Variants in OBI1 observed in about 807,000 individuals in gnomAD.
OBI1 encodes the protein ring finger protein 219.
A neutral mutation model predicts 62.4 loss-of-function variants in OBI1; 59 were observed. The observed-to-expected ratio is 0.95, with a 90% CI of 0.77 to 1.17. The LOEUF (loss-of-function observed/expected upper bound fraction) is 1.17, where lower values mean the gene tolerates loss of function less well. Among genes scored for constraint, OBI1 ranks in the 50% most tolerant of loss-of-function variants. OBI1 has a pLI of 0.00. For synonymous variants in OBI1, 302 were observed against 292.8 expected (o/e 1.03, Z -0.32); for missense variants, 875 against 830.9 (o/e 1.05, Z -0.65).
At chr13:78,654,062 GT>G (rs1254682767) in intron 1 of OBI1, among the ~76,000 whole-genome samples, 3 of 143,892 alleles carry the variant, frequency 2.1e-5, no homozygotes, top group African/African-American at 7.6e-5. Context: ...TGTGAAATAA[GT>G]CACTTAATGC....
At chr13:78,619,865 T>A (rs1008969281) in intron 5 of OBI1, among the ~76,000 whole-genome samples, 4 of 152,198 alleles carry the variant, frequency 2.6e-5, no homozygotes, top group Non-Finnish European at 5.9e-5. Flanking sequence ...TGAGACAGGG[T>A]TGACACCACA....
rs143374733 is a variant in OBI1, at chr13:78,639,088, T to G, written c.301-17A>C. Reference sequence around the variant, plus strand: ...TATTTCGTCCTGAAAAAGCATTGCATAGTCATGAGGCAGGCATAGACACTA... The same window carrying G: ...TATTTCGTCCTGAAAAAGCATTGCAGAGTCATGAGGCAGGCATAGACACTA... On this transcript the variant is annotated splice_polypyrimidine_tract_variant and intron_variant, in intron 3 of 5. Transcript: ENST00000282003. 2 of 1,609,238 alleles carry G rather than the reference T, an allele frequency of 1.2e-6. No individual in the cohort carries two copies. Among genetic ancestry groups the G allele is most frequent in the Non-Finnish European group, 1.7e-6 (2 of 1,177,768 alleles).
chr13:78,614,617 CAT>C lies in OBI1; in HGVS notation c.*961_*962del, dbSNP rs1875182334. 6.6e-6 allele frequency: 1 copy of C among 152,532 alleles called. No homozygotes were observed. The highest frequency in any genetic ancestry group is 1.5e-5 in the Non-Finnish European group (1 of 68,044). The allele number at this position is 152,532 out of a possible 1,614,324, so 9.4% of individuals were successfully genotyped here. A position where few individuals can be genotyped will look rare whatever the true frequency, so the allele number is the denominator to read the frequency against. On this transcript the variant is annotated 3_prime_UTR_variant, in exon 6 of 6. Coordinates refer to ENST00000282003, the MANE Select transcript of OBI1 (RefSeq NM_024546.4). ...CACAGCAAGCAAAAATGCTACCATGCATAGTTTCCACAAAGAACAGGAACATG... is the reference window on the plus strand; with the variant it reads ...CACAGCAAGCAAAAATGCTACCATGCAGTTTCCACAAAGAACAGGAACATG...
chr13:78,651,009 G>C (rs1478842223), intron 1 of OBI1, among the ~76,000 whole-genome samples: 1 of 152,132 alleles, frequency 6.6e-6, no homozygotes, highest in African/African-American at 2.4e-5. Flanking sequence ...AGAAGCCACA[G>C]ATTTGAAGAT....
At chr13:78,636,034 AT>A (rs1429769411) in intron 4 of OBI1, among the ~76,000 whole-genome samples, 1 of 152,168 alleles carries the variant, frequency 6.6e-6, no homozygotes, top group African/African-American at 2.4e-5. Flanking sequence ...AAGTGTTAGG[AT>A]TACAGGTATG....
intron 1 of OBI1, among the ~76,000 whole-genome samples, chr13:78,647,378 C>T (rs1303758993): frequency 1.3e-5 from 2 of 152,230 alleles, no homozygotes; most frequent in African/African-American, 2.4e-5. Flanking sequence ...CGCCCTGTGG[C>T]GGGAGGCGAG....
intron 1 of OBI1, among the ~76,000 whole-genome samples, chr13:78,645,795 C>T (rs926909386): frequency 3.9e-5 from 6 of 152,260 alleles, no homozygotes; most frequent in Admixed American, 1.3e-4. Context: ...GGACTACAGG[C>T]GCCTGCCACC....
In OBI1 at chr13:78,628,502, C is replaced by G. The variant is rs1194562387; in HGVS notation, c.638+6608G>C. ...TGTAAAGATCTGCAAGGAGAGTATT[C>G]TAAGCAAAGGAAATAAACACAGCAT... On this transcript the variant is annotated intron_variant, in intron 5 of 5. Transcript: ENST00000282003. 3.9e-5 allele frequency among the ~76,000 whole-genome samples: 6 copies of G among 152,138 alleles called. No individual in the cohort carries two copies. The East Asian group carries it at 1.2e-3, about 29-fold the overall frequency.
At chr13:78,652,577 C>G (rs1349543747) in intron 1 of OBI1, among the ~76,000 whole-genome samples, 1 of 152,050 alleles carries the variant, frequency 6.6e-6, no homozygotes, top group Non-Finnish European at 1.5e-5. Context: ...AAGTGGTATC[C>G]TAGGGAGCGG....
chr13:78,639,153 T>C, intron 3 of OBI1, 82 bp from the exon 4 acceptor site: 2 of 1,399,150 alleles, frequency 1.4e-6, no homozygotes, highest in South Asian at 3.0e-5. Flanking sequence ...CCAACATGGT[T>C]TGAATTTTGT....
chr13:78,622,486 T>C (rs1875542250), intron 5 of OBI1, among the ~76,000 whole-genome samples: 1 of 152,216 alleles, frequency 6.6e-6, no homozygotes. Flanking sequence ...TGAGAAAGAA[T>C]GATCCATTCA....
Position 78,638,817 on chromosome 13 carries a change from A to G in OBI1, c.549+6T>C. ...CCATAATAGATTTTTAAAAACCACA[A>G]CTTACCTCCTTTAGCTTATCCACAT... On this transcript the variant is annotated splice_donor_region_variant and intron_variant, in intron 4 of 5. Transcript: ENST00000282003. 6.2e-7 allele frequency: 1 copy of G among 1,603,272 alleles called. No homozygotes were observed. The highest frequency in any genetic ancestry group is 8.5e-7 in the Non-Finnish European group (1 of 1,176,586).
chr13:78,642,439 T>C (rs778571989), intron 2 of OBI1, among the ~76,000 whole-genome samples: 5 of 152,212 alleles, frequency 3.3e-5, no homozygotes, highest in Non-Finnish European at 5.9e-5. Context: ...CATCATATTG[T>C]ATTTACATAT....
chr13:78,639,130 T>C lies in OBI1; in HGVS notation c.301-59A>G, dbSNP rs1407383748. ...TAGACACTAAACACATACATACATA[T>C]GCTAAACTGAAGCCAACATGGTTTG... On this transcript the variant is annotated intron_variant, in intron 3 of 5. Coordinates refer to ENST00000282003, the MANE Select transcript of OBI1 (RefSeq NM_024546.4). 12 of 1,510,226 alleles carry C rather than the reference T, an allele frequency of 7.9e-6. No homozygotes were observed. In the East Asian group the frequency reaches 2.3e-4, roughly 29 times the overall value. 93.6% of individuals were successfully genotyped at this position (1,510,226 alleles called of 1,614,324 possible).
intron 1 of OBI1, among the ~76,000 whole-genome samples, chr13:78,656,736 G>A (rs866908430): frequency 3.2e-5 from 4 of 125,328 alleles, no homozygotes; most frequent in African/African-American, 1.2e-4. Context: ...ACCTGGGGGG[G>A]GGGGGGGAGG....
chr13:78,615,537 A>C lies in OBI1; in HGVS notation c.*43T>G, dbSNP rs185185938. The C allele has an allele frequency of 7.0e-7, 1 of 1,423,632 alleles. No individual in the cohort carries two copies. The highest frequency in any genetic ancestry group is 1.4e-5 in the South Asian group (1 of 73,392). 88.2% of individuals were successfully genotyped at this position (1,423,632 alleles called of 1,614,324 possible). A position where few individuals can be genotyped will look rare whatever the true frequency, so the allele number is the denominator to read the frequency against. On this transcript the variant is annotated 3_prime_UTR_variant, in exon 6 of 6. Transcript: ENST00000282003. ...AAAAGGTAACTTTAACAACTTTTCT[A>C]TTTCTCTCAGGACAAAACCACAAAT... is the stretch of plus-strand genomic sequence containing the variant.
intron 1 of OBI1, among the ~76,000 whole-genome samples, chr13:78,654,789 A>G (rs1374769075): frequency 6.6e-6 from 1 of 152,204 alleles, no homozygotes; most frequent in Non-Finnish European, 1.5e-5. Context: ...CTTAATATTA[A>G]GTAGAAATCA....
At chr13:78,625,272 A>G (rs1566277299) in intron 5 of OBI1, among the ~76,000 whole-genome samples, 1 of 152,224 alleles carries the variant, frequency 6.6e-6, no homozygotes, top group Non-Finnish European at 1.5e-5. Context: ...TCAATACTGT[A>G]AAAGAGTGCA....
chr13:78,643,042 G>C (rs1453817251), intron 2 of OBI1, among the ~76,000 whole-genome samples: 4 of 152,154 alleles, frequency 2.6e-5, no homozygotes, highest in Non-Finnish European at 5.9e-5. Context: ...TTCTTCCTGA[G>C]AGCTCTTCAC....
Sources: allele counts gnomAD v4.1 joint callset (sites outside exome capture counted in the v4.1 genomes callset), GRCh38; gene constraint gnomAD v4.1.1; transcripts MANE v1.5; gene names NCBI Gene and HGNC (gene_info 2026-07-23, HGNC 2026-07-21).